KIAA1549L: variants seen among roughly 807,000 people sequenced by gnomAD.
KIAA1549L encodes KIAA1549 like.
A neutral mutation model predicts 160.7 loss-of-function variants in KIAA1549L; 88 were observed. The observed-to-expected ratio is 0.55, with a 90% confidence interval of 0.46 to 0.65. The LOEUF (loss-of-function observed/expected upper bound fraction) is 0.65. KIAA1549L is among the 30% of genes least tolerant of loss of function. The pLI, the probability that KIAA1549L is intolerant of heterozygous loss-of-function variation, is 0.00. For synonymous variants in KIAA1549L, 950 were observed against 976.7 expected (o/e 0.97, Z 0.51); for missense variants, 2,258 against 2,437.5 (o/e 0.93, Z 1.55).
At chr11:33,412,674 A>G (rs1305607501) in intron 1 of KIAA1549L, among the ~76,000 whole-genome samples, 2 of 152,186 alleles carry the variant, frequency 1.3e-5, no homozygotes, top group African/African-American at 4.8e-5. Context: ...ATGATTAGAA[A>G]ACGGATAGCT....
intron 1 of KIAA1549L, among the ~76,000 whole-genome samples, chr11:33,435,788 A>ATGTGTGTGTGTGTGTGTGTGTGTGTG (rs1291028468): frequency 7.5e-5 from 2 of 26,516 alleles, no homozygotes; most frequent in African/African-American, 2.6e-4. Flanking sequence ...ATATATATAT[A>ATGTGTGTGTGTGTGTGTGTGTGTGTG]TATATATATA....
At chr11:33,443,730 A>AG (rs11419266) in intron 1 of KIAA1549L, among the ~76,000 whole-genome samples, 4 of 77,924 alleles carry the variant, frequency 5.1e-5, no homozygotes, top group Non-Finnish European at 8.1e-5. Flanking sequence ...TATGGAATTG[A>AG]AAAAAAAAAC....
rs1850986692 is a variant in KIAA1549L at position 33,420,366 on chromosome 11, C to T, written c.238+43477C>T. Among the ~76,000 whole-genome samples the T allele has an allele frequency of 4.0e-5, 6 of 151,308 alleles. No homozygotes were observed. The South Asian group carries it at 1.3e-3, about 32-fold the overall frequency. ...ACCTCAGCTTCTAGAGTAGCTGGGA[C>T]TACAGGCACAGTTCACCATGCTTGG... On this transcript the variant is annotated intron_variant, in intron 1 of 20. Transcript: ENST00000658780.
At chr11:33,442,750 C>T (rs1299300844) in intron 1 of KIAA1549L, among the ~76,000 whole-genome samples, 2 of 152,094 alleles carry the variant, frequency 1.3e-5, no homozygotes, top group Non-Finnish European at 2.9e-5. Context: ...TGAATATTGC[C>T]TCTATCCAAT....
intron 17 of KIAA1549L, among the ~76,000 whole-genome samples, chr11:33,647,443 A>G (rs1045842253): frequency 6.7e-6 from 1 of 149,968 alleles, no homozygotes; most frequent in Non-Finnish European, 1.5e-5. Flanking sequence ...ACATTTCCAT[A>G]TTTGAAAAAG....
At position 33,543,659 on chromosome 11, in the gene KIAA1549L, C is replaced by G; in HGVS notation, c.2096C>G (p.Ser699Cys). 1.2e-6 allele frequency: 2 copies of G among 1,613,934 alleles called. No individual in the cohort carries two copies. Among genetic ancestry groups the G allele is most frequent in the Non-Finnish European group, 1.7e-6 (2 of 1,179,842 alleles). ...GCAACCACAGATGTTTTCTGGAGTTCTCTTTCAGCAGAAACTGGATCTCTT... is the reference window on the plus strand; with the variant it reads ...GCAACCACAGATGTTTTCTGGAGTTGTCTTTCAGCAGAAACTGGATCTCTT... The part of the protein sequence containing the change: ...KPATTDVFWS[S>C]LSAETGSLST... Residue 699 changes from serine (S) to cysteine (C), a missense_variant, in exon 2 of 21, where the codon TCT becomes TGT. Physicochemically the swap from Ser to Cys is moderately radical, Grantham distance 112 (BLOSUM62 -1). This residue lies in a region of KIAA1549L where 287 missense variants were observed against 292.3 expected (regional missense o/e 0.98). Transcript: ENST00000658780.
intron 17 of KIAA1549L, among the ~76,000 whole-genome samples, chr11:33,652,951 G>T (rs572409290): frequency 6.6e-6 from 1 of 152,194 alleles, no homozygotes; most frequent in Admixed American, 6.5e-5. Flanking sequence ...CTAAAGAAAC[G>T]TTTGGAAGCT....
intron 16 of KIAA1549L, 25 bp from the exon 17 acceptor site, chr11:33,645,661 C>A: frequency 6.4e-7 from 1 of 1,552,062 alleles, no homozygotes; most frequent in South Asian, 1.1e-5. Context: ...GTAAACACAT[C>A]AATGGGCTTT....
intron 1 of KIAA1549L, among the ~76,000 whole-genome samples, chr11:33,390,312 C>T (rs1313457875): frequency 6.6e-6 from 1 of 152,200 alleles, no homozygotes; most frequent in Non-Finnish European, 1.5e-5. Context: ...GGGCCCAGTG[C>T]CTCTTCTTCC....
chr11:33,428,664 T>C (rs1030432227), intron 1 of KIAA1549L, among the ~76,000 whole-genome samples: 1 of 152,216 alleles, frequency 6.6e-6, no homozygotes, highest in African/African-American at 2.4e-5. Flanking sequence ...TATTCCATGG[T>C]GTATATGTGC....
intron 1 of KIAA1549L, among the ~76,000 whole-genome samples, chr11:33,386,725 T>C (rs546114651): frequency 1.3e-3 from 199 of 151,788 alleles, no homozygotes; most frequent in African/African-American, 4.6e-3. Context: ...GTTAGGAATT[T>C]TTAGTTTCAT....
chr11:33,609,735 G>A lies in KIAA1549L; in HGVS notation c.5062-14G>A, dbSNP rs773256746. On this transcript the variant is annotated splice_polypyrimidine_tract_variant and intron_variant, in intron 14 of 20. Transcript: ENST00000658780. ...CTGGGTCAGGTTTGGGCCTGAGACT[G>A]CCTCTCTCCCCAGGTGAACAAAGCC... The A allele has an allele frequency of 2.5e-6, 4 of 1,589,688 alleles. No homozygotes were observed. Among genetic ancestry groups the A allele is most frequent in the Admixed American group, 1.8e-5 (1 of 56,614 alleles).
chr11:33,475,485 A>G (rs1335648981), intron 1 of KIAA1549L, among the ~76,000 whole-genome samples: 4 of 151,384 alleles, frequency 2.6e-5, no homozygotes, highest in Non-Finnish European at 5.9e-5. Context: ...TGAGCCCAGG[A>G]GTTCGAGGTT....
At chr11:33,502,814 G>A (rs1386672785) in intron 1 of KIAA1549L, among the ~76,000 whole-genome samples, 1 of 152,156 alleles carries the variant, frequency 6.6e-6, no homozygotes, top group Non-Finnish European at 1.5e-5. Flanking sequence ...TAATCTTAGA[G>A]CTTTTGCCAC....
At chr11:33,570,589 C>T (rs890913181) in intron 9 of KIAA1549L, among the ~76,000 whole-genome samples, 4 of 152,116 alleles carry the variant, frequency 2.6e-5, no homozygotes, top group Non-Finnish European at 5.9e-5. Context: ...CCAGTTTCCC[C>T]CAAAAAATTC....
At position 33,432,275 on chromosome 11, in the gene KIAA1549L, G is replaced by T. The variant is rs905952511; in HGVS notation, c.238+55386G>T. 2.6e-5 allele frequency among the ~76,000 whole-genome samples: 4 copies of T among 152,222 alleles called. No homozygotes were observed. In the South Asian group the frequency reaches 8.3e-4, roughly 31 times the overall value. On this transcript the variant is annotated intron_variant, in intron 1 of 20. Transcript: ENST00000658780. ...GAGGAGGCGCCGAGAGCAAACGAGG[G>T]CTGTGAGGACTGCCAGCACACTGTC...
chr11:33,622,075 TAAG>T (rs1179359170), intron 16 of KIAA1549L, among the ~76,000 whole-genome samples: 94 of 152,276 alleles, frequency 6.2e-4, no homozygotes, highest in Non-Finnish European at 7.3e-5. Context: ...TTGAAAATGT[TAAG>T]AAGGATGGTT....
At chr11:33,629,326 T>C (rs867988157) in intron 16 of KIAA1549L, among the ~76,000 whole-genome samples, 3,056 of 151,980 alleles carry the variant, frequency 0.02, 116 homozygotes, top group African/African-American at 0.07. Flanking sequence ...TGAATCTGAA[T>C]GTTGGCCTGC....
intron 10 of KIAA1549L, among the ~76,000 whole-genome samples, chr11:33,576,952 T>G (rs1202572703): frequency 6.6e-6 from 1 of 152,120 alleles, no homozygotes; most frequent in Non-Finnish European, 1.5e-5. Context: ...AGGTGACATT[T>G]AGAGCTAAGG....
Sources: gnomAD v4.1 joint callset for allele counts (sites outside exome capture counted in the v4.1 genomes callset) on GRCh38, gnomAD v4.1.1 for gene constraint, gnomAD v4.1.1 regional missense constraint, MANE v1.5 for transcripts, NCBI Gene and HGNC (gene_info 2026-07-23, HGNC 2026-07-21) for gene names.